The following HNRNPK variants were observed in gnomAD, a reference collection of about 807,000 sequenced individuals.
HNRNPK encodes the protein heterogeneous nuclear ribonucleoprotein K.
HNRNPK carries 7 observed loss-of-function variants against 67.0 expected under a neutral mutation model. The ratio of observed to expected loss-of-function variants is 0.10; its 90% CI spans 0.06 to 0.20. HNRNPK has a LOEUF of 0.20. Among genes scored for constraint, HNRNPK ranks in the 10% least tolerant of loss-of-function variants. The pLI is 1.00. For synonymous variants in HNRNPK, 213 were observed against 193.7 expected, an observed-to-expected ratio of 1.10 and a Z score of -0.83; for missense variants, 264 against 606.5, an observed-to-expected ratio of 0.44 and a Z score of 5.93.
chr9:83,973,108 C>A lies in HNRNPK; in HGVS notation c.517-136G>T. 4 of 770,546 alleles carry A rather than the reference C, an allele frequency of 5.2e-6. No homozygotes were observed. In the South Asian group the frequency reaches 7.4e-5, roughly 14 times the overall value. The allele number at this position is 770,546 out of a possible 1,614,324, so 47.7% of individuals were successfully genotyped here. A position where few individuals can be genotyped will look rare whatever the true frequency, so the allele number is the denominator to read the frequency against. ...CTTCATTAATTATCACAGGGCTTTG[C>A]AATGGTATAAAAATTTTGACAAAAT... On this transcript the variant is annotated intron_variant, in intron 9 of 16. Transcript: ENST00000376263.
rs140679593 is a variant in HNRNPK, at chr9:83,971,696, T to C, written c.984A>G (p.Arg328=). Residue 328 remains arginine, a synonymous_variant, in exon 12 of 17, where the codon AGA becomes AGG. Coordinates refer to ENST00000376263, the MANE Select transcript of HNRNPK (RefSeq NM_031263.4). Reference sequence around the variant, plus strand: ...CCATGCCGTCGTAACGGTCTCCAGGTCTCCCTCTTCTGTCATAGGCCATGA... The same window carrying C: ...CCATGCCGTCGTAACGGTCTCCAGGCCTCCCTCTTCTGTCATAGGCCATGA... ...GDLMAYDRRG[R]PGDRYDGMVG... 1.9e-6 allele frequency: 3 copies of C among 1,613,802 alleles called. No individual in the cohort carries two copies. Among genetic ancestry groups the C allele is most frequent in the Admixed American group, 3.3e-5 (2 of 59,986 alleles).
In HNRNPK at chr9:83,969,103, C is replaced by A; in HGVS notation, c.*304G>T. On this transcript the variant is annotated 3_prime_UTR_variant, in exon 17 of 17. Transcript: ENST00000376263. ...ATTACATGGGGGGAATTTTTTAAAC[C>A]ACCAACAATAACGAAAAATAAAATC... 2.0e-6 allele frequency: 1 copy of A among 496,932 alleles called. No individual in the cohort carries two copies. Among genetic ancestry groups the A allele is most frequent in the Non-Finnish European group, 3.6e-6 (1 of 280,986 alleles). 30.8% of individuals were successfully genotyped at this position (496,932 alleles called of 1,614,324 possible).
rs1377355770 is a variant in HNRNPK at position 83,971,164 on chromosome 9, T to C, written c.1092+109A>G. On this transcript the variant is annotated intron_variant, in intron 13 of 16. Transcript: ENST00000376263. ...CCTCTTCAGGAAACCAAAGTCCTCC[T>C]GTATCCTATTTTCAGTAAGTATCCT... The C allele has an allele frequency of 1.4e-5, 12 of 878,154 alleles. No homozygotes were observed. The Admixed American group carries it at 1.4e-4, about 10-fold the overall frequency. The allele number at this position is 878,154 out of a possible 1,614,324, so 54.4% of individuals were successfully genotyped here.
chr9:83,977,137 C>A, intron 4 of HNRNPK, 86 bp from the exon 5 acceptor site: 1 of 938,454 alleles, frequency 1.1e-6, no homozygotes. Context: ...CTAAAAAATC[C>A]TCTAACCTGT....
intron 5 of HNRNPK, 66 bp downstream of exon 5, chr9:83,976,929 C>A (rs1957092892): frequency 2.3e-6 from 2 of 867,962 alleles, no homozygotes; most frequent in South Asian, 1.7e-5. Flanking sequence ...GGATGTAAAT[C>A]TTTAAATTTC....
intron 5 of HNRNPK, chr9:83,975,781 T>C: frequency 4.1e-6 from 2 of 491,286 alleles, no homozygotes; most frequent in South Asian, 5.6e-5. Flanking sequence ...CAAACTATAC[T>C]CATACTCTCA....
At position 83,978,449 on chromosome 9, in the gene HNRNPK, T is replaced by G; in HGVS notation, c.-104A>C. ...AACAACTGACACCCCAGTGCTGCAG[T>G]AGCCTATAAGAACCAACACAAATCA... is the stretch of plus-strand genomic sequence containing the variant. On this transcript the variant is annotated 5_prime_UTR_variant, in exon 2 of 17. Coordinates refer to ENST00000376263, the MANE Select transcript of HNRNPK (RefSeq NM_031263.4). The G allele has an allele frequency of 1.8e-6, 2 of 1,115,856 alleles. No homozygotes were observed. Among genetic ancestry groups the G allele is most frequent in the South Asian group, 2.4e-5 (1 of 41,594 alleles). The allele number at this position is 1,115,856 out of a possible 1,614,324, so 69.1% of individuals were successfully genotyped here. A position where few individuals can be genotyped will look rare whatever the true frequency, so the allele number is the denominator to read the frequency against.
At position 83,970,349 on chromosome 9, in the gene HNRNPK, A is replaced by T; in HGVS notation, c.1192-18T>A. On this transcript the variant is annotated intron_variant, in intron 15 of 16. Transcript: ENST00000376263. ...CCAGCCAACTGAAAAGATTTTTTAA[A>T]AGTATGTGTTTACGATATACTTTTA... 6.2e-7 allele frequency: 1 copy of T among 1,600,192 alleles called. No homozygotes were observed. Among genetic ancestry groups the T allele is most frequent in the East Asian group, 2.2e-5 (1 of 44,746 alleles).
At position 83,972,028 on chromosome 9, in the gene HNRNPK, A is replaced by C. The variant is rs1165342989; in HGVS notation, c.807T>G (p.Gly269=). 1.2e-6 allele frequency: 2 copies of C among 1,613,828 alleles called. No homozygotes were observed. The highest frequency in any genetic ancestry group is 1.7e-6 in the Non-Finnish European group (2 of 1,179,818). The part of the protein sequence containing the change: ...GGFDRMPPGR[G]GRPMPPSRRD... Reference sequence around the variant, plus strand: ...TTCTAGATGGAGGCATGGGACGCCCACCCCGACCAGGAGGCATTCTGTCAA... The same window carrying C: ...TTCTAGATGGAGGCATGGGACGCCCCCCCCGACCAGGAGGCATTCTGTCAA... The change falls in exon 11 of 17, where the codon GGT becomes GGG. Residue 269 remains glycine, a synonymous_variant. Transcript: ENST00000376263.
At chr9:83,978,156 G>A in intron 3 of HNRNPK, 39 bp downstream of exon 3, 1 of 1,317,148 alleles carries the variant, frequency 7.6e-7, no homozygotes, top group Middle Eastern at 1.8e-4. Flanking sequence ...TTTATTAACA[G>A]GATAAAAAAA....
At chr9:83,979,739 G>A (rs903195399) in intron 1 of HNRNPK, among the ~76,000 whole-genome samples, 5 of 134,956 alleles carry the variant, frequency 3.7e-5, no homozygotes, top group Admixed American at 7.9e-5. Context: ...TCCCCCCACT[G>A]CCCGAGACAA....
intron 10 of HNRNPK, chr9:83,972,403 C>T: frequency 1.8e-6 from 1 of 551,210 alleles, no homozygotes; most frequent in Non-Finnish European, 3.2e-6. Context: ...AAAGTGAGTT[C>T]TATTGCCTAT....
intron 12 of HNRNPK, 147 bp downstream of exon 12, chr9:83,971,525 C>T (rs1956841018): frequency 8.6e-6 from 7 of 816,574 alleles, no homozygotes; most frequent in Middle Eastern, 4.7e-4. Flanking sequence ...CCTCCAGCAG[C>T]AAATAACAGA....
At chr9:83,970,651 A>G in intron 15 of HNRNPK, 86 bp downstream of exon 15, 1 of 971,930 alleles carries the variant, frequency 1.0e-6, no homozygotes, top group Non-Finnish European at 1.6e-6. Context: ...TATTTTTGTT[A>G]AAACCTTCTG....
chr9:83,970,963 AC>A (rs1282045486), intron 13 of HNRNPK, 51 bp from the exon 14 acceptor site: 1 of 1,554,506 alleles, frequency 6.4e-7, no homozygotes, highest in African/African-American at 1.4e-5. Flanking sequence ...TGTAATTACT[AC>A]CGGTACTTTA....
chr9:83,980,606 C>G (rs1431928085), upstream of HNRNPK: 1 of 153,172 alleles, frequency 6.5e-6, no homozygotes, highest in Non-Finnish European at 1.5e-5. Context: ...GAGCGCCCTC[C>G]TCCTTTCTCG....
intron 6 of HNRNPK, among the ~76,000 whole-genome samples, chr9:83,975,259 G>A (rs1190243036): frequency 1.3e-5 from 2 of 152,142 alleles, no homozygotes; most frequent in Admixed American, 6.5e-5. Flanking sequence ...TCCTTCCATC[G>A]AAATAAAATT....
chr9:83,968,453 T>C lies in HNRNPK; in HGVS notation c.*954A>G, dbSNP rs1337097141. The C allele has an allele frequency of 1.3e-5, 2 of 152,512 alleles. No individual in the cohort carries two copies. Among genetic ancestry groups the C allele is most frequent in the Non-Finnish European group, 2.9e-5 (2 of 68,016 alleles). 9.4% of individuals were successfully genotyped at this position (152,512 alleles called of 1,614,324 possible). The stretch of plus-strand genomic sequence containing the variant: ...ACAGTTTAAGTCTATAGGTGAGAAA[T>C]TATCTAATAAAAATAATCAATTTTT... On this transcript the variant is annotated 3_prime_UTR_variant, in exon 17 of 17. Coordinates refer to ENST00000376263, the MANE Select transcript of HNRNPK (RefSeq NM_031263.4).
At chr9:83,975,284 G>C (rs1413766827) in intron 6 of HNRNPK, 178 bp downstream of exon 6, 8 of 614,194 alleles carry the variant, frequency 1.3e-5, no homozygotes, top group Non-Finnish European at 2.1e-5. Flanking sequence ...GATCGTTTGG[G>C]TGGGCAACTC....
Sources: gnomAD v4.1 joint callset for allele counts (sites outside exome capture counted in the v4.1 genomes callset) on GRCh38, gnomAD v4.1.1 for gene constraint, MANE v1.5 for transcripts, NCBI Gene and HGNC (gene_info 2026-07-23, HGNC 2026-07-21) for gene names.